ANKRD31: variants seen among roughly 807,000 people sequenced by gnomAD.
ANKRD31 encodes the protein ankyrin repeat domain-containing protein 31.
In ANKRD31, 147 loss-of-function variants were observed where a neutral mutation model predicts 186.0. That is an observed-to-expected ratio of 0.79 (90% CI 0.69 to 0.91). The LOEUF (loss-of-function observed/expected upper bound fraction) is 0.91, where lower values mean the gene tolerates loss of function less well. Ranked by LOEUF, ANKRD31 falls within the 40% of genes least tolerant of loss-of-function variation. The pLI, the probability that ANKRD31 is intolerant of heterozygous loss-of-function variation, is 0.00. For synonymous variants in ANKRD31, 673 were observed against 736.4 expected (o/e 0.91, Z 1.39); for missense variants, 1,986 against 2,148.8 (o/e 0.92, Z 1.50).
At chr5:75,070,263 T>C (rs912522285) in intron 25 of ANKRD31, among the ~76,000 whole-genome samples, 2 of 152,180 alleles carry the variant, frequency 1.3e-5, no homozygotes, top group Non-Finnish European at 2.9e-5. Flanking sequence ...AAATAAATCT[T>C]TACATATTAA....
intron 22 of ANKRD31, among the ~76,000 whole-genome samples, chr5:75,103,792 T>C (rs1275186455): frequency 2.6e-5 from 4 of 152,042 alleles, no homozygotes; most frequent in African/African-American, 4.8e-5. Context: ...AAGTGGGAGC[T>C]GAACAATGAG....
intron 4 of ANKRD31, among the ~76,000 whole-genome samples, chr5:75,210,035 T>C (rs1756512383): frequency 6.6e-6 from 1 of 152,218 alleles, no homozygotes; most frequent in South Asian, 2.1e-4. Context: ...GAAAATAGTT[T>C]TGACCTCACA....
At chr5:75,105,357 G>A (rs1747251063) in intron 21 of ANKRD31, 139 bp from the exon 22 acceptor site, 3 of 939,782 alleles carry the variant, frequency 3.2e-6, no homozygotes, top group Non-Finnish European at 4.3e-6. Flanking sequence ...GCAATTTACT[G>A]CCTTTGATTT....
In ANKRD31 at chr5:75,068,424, T is replaced by C. The variant is rs556101836; in HGVS notation, c.*95A>G. On this transcript the variant is annotated 3_prime_UTR_variant, in exon 26 of 26. Coordinates refer to ENST00000506364, the MANE Select transcript of ANKRD31 (RefSeq NM_001372053.1). ...CCTAAATAGCAACTCATAAAGTGTA[T>C]GTTAAAATAGGCCCACCAGATTATA... 9.3e-5 allele frequency: 113 copies of C among 1,220,356 alleles called. No individual in the cohort carries two copies. Among genetic ancestry groups the C allele is most frequent in the Middle Eastern group, 7.1e-4 (3 of 4,244 alleles). The allele number at this position is 1,220,356 out of a possible 1,614,324, so 75.6% of individuals were successfully genotyped here.
In ANKRD31 at chr5:75,193,492, T is replaced by C; in HGVS notation, c.1117A>G (p.Thr373Ala). 1 of 1,537,296 alleles carries C rather than the reference T, an allele frequency of 6.5e-7. No individual in the cohort carries two copies. The highest frequency in any genetic ancestry group is 8.7e-7 in the Non-Finnish European group (1 of 1,146,770). ...GCAGTTTCCTGATCAGAGCTATTTG[T>C]CACTGAATTTGAATTTCTCTTATTA... is the stretch of plus-strand genomic sequence containing the variant. ...LSNKRNSNSVTNSSDQETACV... is the reference protein window; with the variant it reads ...LSNKRNSNSVANSSDQETACV... Residue 373 changes from threonine (T) to alanine (A), a missense_variant, in exon 8 of 26, where the codon ACA becomes GCA. Transcript: ENST00000506364.
chr5:75,118,353 G>C, intron 17 of ANKRD31, 56 bp from the exon 18 acceptor site: 1 of 1,301,760 alleles, frequency 7.7e-7, no homozygotes, highest in Non-Finnish European at 9.9e-7. Flanking sequence ...AATAATTTCT[G>C]TTTTCATCAC....
intron 23 of ANKRD31, among the ~76,000 whole-genome samples, chr5:75,089,245 G>A (rs192161596): frequency 2.2e-4 from 34 of 152,338 alleles, no homozygotes; most frequent in African/African-American, 8.2e-4. Context: ...GGCTGCAGGA[G>A]AGAAGTCAGT....
intron 10 of ANKRD31, among the ~76,000 whole-genome samples, chr5:75,174,212 T>G (rs1284432537): frequency 1.3e-5 from 2 of 152,114 alleles, no homozygotes; most frequent in African/African-American, 2.4e-5. Flanking sequence ...TCCTTACACC[T>G]TATACAAAAA....
intron 17 of ANKRD31, among the ~76,000 whole-genome samples, chr5:75,130,021 G>C (rs935199585): frequency 2.0e-5 from 3 of 152,148 alleles, no homozygotes; most frequent in African/African-American, 7.2e-5. Flanking sequence ...GTGGACCCTC[G>C]TGGTGAGTGT....
intron 3 of ANKRD31, among the ~76,000 whole-genome samples, chr5:75,219,339 C>A (rs1757148856): frequency 6.6e-6 from 1 of 152,068 alleles, no homozygotes; most frequent in Non-Finnish European, 1.5e-5. Context: ...TTCCTATACA[C>A]CAAAAGCAGC....
chr5:75,182,221 G>C (rs551824394), intron 10 of ANKRD31, among the ~76,000 whole-genome samples: 19 of 152,058 alleles, frequency 1.2e-4, no homozygotes, highest in Non-Finnish European at 2.6e-4. Flanking sequence ...TTAGGTTCTG[G>C]AACCTGTGAA....
intron 24 of ANKRD31, among the ~76,000 whole-genome samples, chr5:75,083,278 T>C (rs1311301333): frequency 1.3e-5 from 2 of 152,226 alleles, no homozygotes; most frequent in African/African-American, 2.4e-5. Flanking sequence ...AAATTTCAGA[T>C]TCTGAGATTT....
intron 4 of ANKRD31, among the ~76,000 whole-genome samples, chr5:75,209,177 T>C (rs1053065716): frequency 5.9e-5 from 9 of 152,226 alleles, no homozygotes; most frequent in Non-Finnish European, 1.2e-4. Context: ...CACTTTTGAA[T>C]GAGTCTTTTA....
intron 23 of ANKRD31, among the ~76,000 whole-genome samples, chr5:75,088,299 G>T (rs1011599747): frequency 2.0e-4 from 31 of 152,294 alleles, no homozygotes; most frequent in African/African-American, 7.5e-4. Flanking sequence ...AATGGAAAGG[G>T]TGGAAATAAG....
At chr5:75,200,185 C>T (rs905117909) in intron 5 of ANKRD31, among the ~76,000 whole-genome samples, 1 of 152,204 alleles carries the variant, frequency 6.6e-6, no homozygotes, top group African/African-American at 2.4e-5. Flanking sequence ...CTACTCTCAC[C>T]CTGCCCCCTC....
At chr5:75,164,038 G>A (rs546233671) in intron 11 of ANKRD31, among the ~76,000 whole-genome samples, 2 of 152,298 alleles carry the variant, frequency 1.3e-5, no homozygotes, top group African/African-American at 4.8e-5. Flanking sequence ...TGACTTCTAA[G>A]GCTAGGTTAA....
At chr5:75,221,475 T>A (rs1323006124) in intron 3 of ANKRD31, among the ~76,000 whole-genome samples, 1 of 152,204 alleles carries the variant, frequency 6.6e-6, no homozygotes, top group African/African-American at 2.4e-5. Flanking sequence ...TTCACAAGTT[T>A]AAGAAGAATC....
At chr5:75,158,983 G>T (rs1373596586) in intron 11 of ANKRD31, among the ~76,000 whole-genome samples, 4 of 151,742 alleles carry the variant, frequency 2.6e-5, no homozygotes, top group Non-Finnish European at 5.9e-5. Flanking sequence ...AAAGAATTAA[G>T]AAAAAATATG....
rs1375330237 is a variant in ANKRD31, at chr5:75,154,281, G to A, written c.1772C>T (p.Ala591Val). The change falls in exon 12 of 26, where the codon GCT (alanine) becomes GTT (valine). Residue 591 changes from alanine (A) to valine (V), a missense_variant. Transcript: ENST00000506364. The part of the protein sequence containing the change: ...PLFRNDDGKC[A>V]LDEAKDLCMK... Reference sequence around the variant, plus strand: ...ACATAAATCCTTGGCCTCATCCAAAGCACATTTTCCATCATCATTTCTAAA... The same window carrying A: ...ACATAAATCCTTGGCCTCATCCAAAACACATTTTCCATCATCATTTCTAAA... 1.3e-6 allele frequency: 2 copies of A among 1,535,882 alleles called. No homozygotes were observed. The highest frequency in any genetic ancestry group is 1.7e-6 in the Non-Finnish European group (2 of 1,146,142).
Sources: gnomAD v4.1 joint callset for allele counts (sites outside exome capture counted in the v4.1 genomes callset) on GRCh38, gnomAD v4.1.1 for gene constraint, MANE v1.5 for transcripts, NCBI Gene and HGNC (gene_info 2026-07-23, HGNC 2026-07-21) for gene names.